Variants in COX10 observed in about 807,000 individuals in gnomAD.
The protein encoded by COX10 is cytochrome c oxidase assembly factor heme A:farnesyltransferase COX10.
Under a neutral mutation model 37.3 loss-of-function variants are expected in COX10, and 27 were observed. The ratio of observed to expected loss-of-function variants is 0.72; its 90% CI spans 0.53 to 1.00. COX10 has a LOEUF of 1.00. COX10 is among the 50% of genes least tolerant of loss of function. COX10 has a pLI of 0.00. For missense variants in COX10, 475 were observed against 563.2 expected, an observed-to-expected ratio of 0.84 and a Z score of 1.59; for synonymous variants, 222 against 229.1, an observed-to-expected ratio of 0.97 and a Z score of 0.28.
chr17:14,085,104 T>A (rs1567587684), intron 3 of COX10, among the ~76,000 whole-genome samples: 1 of 152,204 alleles, frequency 6.6e-6, no homozygotes, highest in African/African-American at 2.4e-5. Context: ...GTTACAGGCA[T>A]ATTTTTTTTC....
intron 3 of COX10, among the ~76,000 whole-genome samples, chr17:14,094,346 A>G (rs181366559): frequency 6.6e-6 from 1 of 151,698 alleles, no homozygotes; most frequent in Non-Finnish European, 1.5e-5. Context: ...AATAAAATTC[A>G]TGTATTCTTA....
chr17:14,124,063 C>G (rs943816121), intron 4 of COX10, among the ~76,000 whole-genome samples: 2 of 152,118 alleles, frequency 1.3e-5, no homozygotes, highest in African/African-American at 4.8e-5. Flanking sequence ...TTTCACATTT[C>G]TCACTCCTGT....
At chr17:14,103,033 C>T (rs1453295478) in intron 4 of COX10, among the ~76,000 whole-genome samples, 1 of 152,118 alleles carries the variant, frequency 6.6e-6, no homozygotes, top group East Asian at 1.9e-4. Flanking sequence ...GTGATAATGC[C>T]TATAGTCATT....
chr17:14,071,459 A>C (rs1915020218), intron 1 of COX10, among the ~76,000 whole-genome samples: 1 of 152,174 alleles, frequency 6.6e-6, no homozygotes, highest in Non-Finnish European at 1.5e-5. Flanking sequence ...ATCTACTAAG[A>C]GAGCTTGATG....
At chr17:14,167,715 A>C (rs969058633) in intron 5 of COX10, among the ~76,000 whole-genome samples, 8 of 152,226 alleles carry the variant, frequency 5.3e-5, no homozygotes, top group Non-Finnish European at 7.3e-5. Flanking sequence ...GAGAACTGCC[A>C]CAAACTTTTA....
intron 6 of COX10, among the ~76,000 whole-genome samples, chr17:14,194,685 A>G (rs1290793002): frequency 6.6e-6 from 1 of 152,200 alleles, no homozygotes; most frequent in Non-Finnish European, 1.5e-5. Context: ...TCGGCCTCCC[A>G]AAGTGCTGGG....
chr17:14,078,378 A>G (rs1349088298), intron 3 of COX10, among the ~76,000 whole-genome samples: 1 of 152,170 alleles, frequency 6.6e-6, no homozygotes, highest in Non-Finnish European at 1.5e-5. Flanking sequence ...GCCATCACTT[A>G]GCACATCCAC....
chr17:14,069,554 G>A lies in COX10; in HGVS notation c.-52G>A, dbSNP rs1914960317. On this transcript the variant is annotated 5_prime_UTR_variant, in exon 1 of 7. In the 5' UTR this introduces an upstream ATG that the reference lacks. Coordinates refer to ENST00000261643, the MANE Select transcript of COX10 (RefSeq NM_001303.4). The stretch of plus-strand genomic sequence containing the variant: ...GGAAGATGGCGGCGCCCAGCGTCCC[G>A]TGAGGAGAGAGGACACAGGGATCCC... 2 of 1,606,934 alleles carry A rather than the reference G, an allele frequency of 1.2e-6. No homozygotes were observed. Among genetic ancestry groups the A allele is most frequent in the South Asian group, 1.1e-5 (1 of 90,576 alleles).
intron 5 of COX10, among the ~76,000 whole-genome samples, chr17:14,184,748 G>T (rs1206242859): frequency 6.6e-6 from 1 of 152,138 alleles, no homozygotes; most frequent in African/African-American, 2.4e-5. Flanking sequence ...GAAAGTGGGT[G>T]ACCTAACCAG....
At chr17:14,138,663 T>C (rs1321792866) in intron 4 of COX10, among the ~76,000 whole-genome samples, 1 of 152,208 alleles carries the variant, frequency 6.6e-6, no homozygotes, top group East Asian at 1.9e-4. Context: ...TTCAGACTCA[T>C]AATCGGTCCT....
At chr17:14,101,969 T>A (rs1420268529) in intron 3 of COX10, 149 bp from the exon 4 acceptor site, 1 of 933,902 alleles carries the variant, frequency 1.1e-6, no homozygotes, top group African/African-American at 1.7e-5. Context: ...AAAATGTGGA[T>A]CTTTTTTAAG....
intron 4 of COX10, among the ~76,000 whole-genome samples, chr17:14,134,733 A>G (rs987756184): frequency 6.6e-6 from 1 of 151,618 alleles, no homozygotes; most frequent in Admixed American, 6.6e-5. Context: ...CTTTTAAGGT[A>G]GTAGTTTTTT....
At chr17:14,127,713 CTCTG>C (rs1356065061) in intron 4 of COX10, among the ~76,000 whole-genome samples, 3 of 151,988 alleles carry the variant, frequency 2.0e-5, no homozygotes, top group Admixed American at 6.6e-5. Context: ...AATATTGTTA[CTCTG>C]TCTTTTTGTA....
chr17:14,206,450 A>G (rs1906701390), intron 6 of COX10, among the ~76,000 whole-genome samples: 1 of 151,970 alleles, frequency 6.6e-6, no homozygotes, highest in Non-Finnish European at 1.5e-5. Context: ...TTTGCTCCCC[A>G]CAATGTGGGG....
chr17:14,113,572 A>G (rs1280017918), intron 4 of COX10, among the ~76,000 whole-genome samples: 1 of 152,166 alleles, frequency 6.6e-6, no homozygotes, highest in Non-Finnish European at 1.5e-5. Context: ...GCTTATATAG[A>G]ATCAAGCCAC....
chr17:14,086,229 C>T (rs1006677751), intron 3 of COX10, among the ~76,000 whole-genome samples: 5 of 151,920 alleles, frequency 3.3e-5, no homozygotes, highest in African/African-American at 1.2e-4. Flanking sequence ...CTTAGACTTT[C>T]CCACATGAAG....
chr17:14,128,870 A>C (rs907209193), intron 4 of COX10, among the ~76,000 whole-genome samples: 5 of 152,236 alleles, frequency 3.3e-5, no homozygotes, highest in African/African-American at 1.2e-4. Context: ...TTTGAGACAG[A>C]GTCTTGCTCT....
At chr17:14,202,735 C>T (rs1380449582) in intron 6 of COX10, among the ~76,000 whole-genome samples, 1 of 151,078 alleles carries the variant, frequency 6.6e-6, no homozygotes, top group Non-Finnish European at 1.5e-5. Context: ...TCTGCCACCC[C>T]CTCTGTCTCT....
intron 6 of COX10, 107 bp from the exon 7 acceptor site, chr17:14,206,701 CAG>C: frequency 7.2e-7 from 1 of 1,384,346 alleles, no homozygotes; most frequent in Non-Finnish European, 1.0e-6. Flanking sequence ...CACAGGGTGG[CAG>C]AGCTTCTGAG....
Sources: allele counts gnomAD v4.1 joint callset (sites outside exome capture counted in the v4.1 genomes callset), GRCh38; gene constraint gnomAD v4.1.1; transcripts MANE v1.5; gene names NCBI Gene and HGNC (gene_info 2026-07-23, HGNC 2026-07-21).